Variants in FRYL observed in about 807,000 individuals in gnomAD.
FRYL encodes protein furry homolog-like.
A neutral mutation model predicts 351.2 loss-of-function variants in FRYL; 150 were observed. The observed-to-expected ratio is 0.43, with a 90% CI of 0.37 to 0.49. FRYL has a LOEUF of 0.49. FRYL is among the 20% of genes least tolerant of loss of function. The pLI, the probability that FRYL is intolerant of heterozygous loss-of-function variation, is 0.00. For synonymous variants in FRYL, 1,153 were observed against 1,257.1 expected (o/e 0.92, Z 1.75); for missense variants, 3,036 against 3,619.3 (o/e 0.84, Z 4.13).
In FRYL at chr4:48,564,950, C is replaced by A. The variant is rs1736439063; in HGVS notation, c.3424G>T (p.Asp1142Tyr). Residue 1142 changes from aspartate to tyrosine, a missense_variant, in exon 30 of 64, where the codon GAT becomes TAT. By Grantham distance (160) the Asp-to-Tyr change is radical (BLOSUM62 -3). Transcript: ENST00000358350. The part of the protein sequence containing the change: ...YLYKWLDNIL[D>Y]SLDKKVHQLG... Reference sequence around the variant, plus strand: ...ATAATTACCTTTTTGTCCAGAGAATCCAAAATGTTATCCAACCATTTGTAC... The same window carrying A: ...ATAATTACCTTTTTGTCCAGAGAATACAAAATGTTATCCAACCATTTGTAC... 2.5e-6 allele frequency: 4 copies of A among 1,587,542 alleles called. No homozygotes were observed. In the East Asian group the frequency reaches 6.7e-5, roughly 27 times the overall value.
intron 46 of FRYL, 130 bp from the exon 47 acceptor site, chr4:48,540,198 T>C: frequency 8.6e-7 from 1 of 1,166,146 alleles, no homozygotes; most frequent in South Asian, 1.6e-5. Flanking sequence ...ATCTTCTAAT[T>C]CTTTTTTGGC....
chr4:48,641,149 C>G (rs559339026), intron 3 of FRYL, among the ~76,000 whole-genome samples: 2 of 152,132 alleles, frequency 1.3e-5, no homozygotes, highest in East Asian at 3.9e-4. Context: ...GAGGAAAACT[C>G]TACATTTGAA....
At chr4:48,532,875 C>T (rs1364055543) in intron 49 of FRYL, among the ~76,000 whole-genome samples, 1 of 152,056 alleles carries the variant, frequency 6.6e-6, no homozygotes, top group East Asian at 1.9e-4. Flanking sequence ...TAATAAAGCA[C>T]AAGCCAGCAG....
chr4:48,645,127 TA>T (rs1560778387), intron 3 of FRYL, among the ~76,000 whole-genome samples: 1 of 14,268 alleles, frequency 7.0e-5, no homozygotes, highest in African/African-American at 3.8e-4. Flanking sequence ...TTTCATTTTA[TA>T]TATATATATA....
chr4:48,618,374 A>C (rs2149314215), intron 7 of FRYL: 1 of 152,290 alleles, frequency 6.6e-6, no homozygotes, highest in Non-Finnish European at 1.5e-5. Context: ...TATGAGAAAA[A>C]CAGACTGTCA....
At chr4:48,732,416 C>T (rs1578862566) in intron 1 of FRYL, among the ~76,000 whole-genome samples, 1 of 152,188 alleles carries the variant, frequency 6.6e-6, no homozygotes, top group Non-Finnish European at 1.5e-5. Flanking sequence ...CCCAGCAATC[C>T]CATTACTGGG....
intron 41 of FRYL, chr4:48,546,541 G>A: frequency 2.7e-6 from 1 of 367,474 alleles, no homozygotes; most frequent in South Asian, 5.8e-5. Context: ...AAACTTGCAA[G>A]TGGCAGTTTC....
intron 1 of FRYL, among the ~76,000 whole-genome samples, chr4:48,769,958 C>T (rs1413074209): frequency 6.6e-6 from 1 of 152,174 alleles, no homozygotes; most frequent in African/African-American, 2.4e-5. Flanking sequence ...AGTTTCTTGG[C>T]AGTGGTGGGA....
chr4:48,579,293 T>G (rs1444294176), intron 22 of FRYL, 52 bp from the exon 23 acceptor site: 1 of 1,439,320 alleles, frequency 6.9e-7, no homozygotes, highest in Admixed American at 2.2e-5. Context: ...ACTTTGAAAT[T>G]TTACCATATA....
At chr4:48,588,115 A>T (rs1350309683) in intron 18 of FRYL, among the ~76,000 whole-genome samples, 2 of 152,220 alleles carry the variant, frequency 1.3e-5, no homozygotes, top group African/African-American at 4.8e-5. Flanking sequence ...GTCAAGGTGC[A>T]TCTGTTATTC....
intron 42 of FRYL, among the ~76,000 whole-genome samples, chr4:48,545,262 TA>T (rs1731085218): frequency 6.6e-6 from 1 of 152,226 alleles, no homozygotes; most frequent in Non-Finnish European, 1.5e-5. Context: ...GCAATGAGAA[TA>T]ATTTACTAGC....
chr4:48,602,593 C>G (rs752596495), intron 12 of FRYL, among the ~76,000 whole-genome samples: 9 of 151,956 alleles, frequency 5.9e-5, no homozygotes, highest in Non-Finnish European at 1.2e-4. Context: ...GTACAAAGTA[C>G]TTAGTTCAAT....
At position 48,498,268 on chromosome 4, in the gene FRYL, C is replaced by CA. The variant is rs1410424541; in HGVS notation, c.*1153dup. On this transcript the variant is annotated 3_prime_UTR_variant, in exon 64 of 64. Transcript: ENST00000358350. ...AGCATGTGAGTCCTGAATAAAGATA[C>CA]AAAAATGCATTTGCAGCTCTTTTCT... 1 of 152,182 alleles carries CA rather than the reference C, an allele frequency of 6.6e-6. No individual in the cohort carries two copies. The highest frequency in any genetic ancestry group is 1.9e-4 in the East Asian group (1 of 5,188). The allele number at this position is 152,182 out of a possible 1,614,324, so 9.4% of individuals were successfully genotyped here. A position where few individuals can be genotyped will look rare whatever the true frequency, so the allele number is the denominator to read the frequency against.
At chr4:48,730,932 TA>T (rs1288025343) in intron 1 of FRYL, among the ~76,000 whole-genome samples, 2 of 151,976 alleles carry the variant, frequency 1.3e-5, no homozygotes, top group Non-Finnish European at 2.9e-5. Context: ...GCAAATTGGA[TA>T]AAGAGTCAAG....
At chr4:48,602,801 C>A (rs536944844) in intron 12 of FRYL, among the ~76,000 whole-genome samples, 4 of 152,174 alleles carry the variant, frequency 2.6e-5, no homozygotes, top group Admixed American at 6.5e-5. Flanking sequence ...GACAGTGATC[C>A]CCTGAGGTTA....
chr4:48,571,861 A>C, intron 26 of FRYL: 1 of 985,284 alleles, frequency 1.0e-6, no homozygotes, highest in Non-Finnish European at 1.2e-6. Context: ...CTCACATTCA[A>C]GGCACATCAC....
chr4:48,511,612 A>G (rs1289858571), intron 57 of FRYL, among the ~76,000 whole-genome samples: 1 of 152,174 alleles, frequency 6.6e-6, no homozygotes, highest in Admixed American at 6.5e-5. Flanking sequence ...AAAAAGCATA[A>G]ATCCGCACTT....
chr4:48,570,976 T>C, intron 26 of FRYL, 58 bp from the exon 27 acceptor site: 1 of 1,338,248 alleles, frequency 7.5e-7, no homozygotes, highest in Non-Finnish European at 1.1e-6. Flanking sequence ...TTGGAAAGAA[T>C]AATGTGACTG....
At position 48,512,401 on chromosome 4, in the gene FRYL, G is replaced by C. The variant is rs564114858; in HGVS notation, c.8145+80C>G. 4.3e-6 allele frequency: 5 copies of C among 1,149,990 alleles called. No homozygotes were observed. The South Asian group carries it at 7.3e-5, about 17-fold the overall frequency. The allele number at this position is 1,149,990 out of a possible 1,614,324, so 71.2% of individuals were successfully genotyped here. A position where few individuals can be genotyped will look rare whatever the true frequency, so the allele number is the denominator to read the frequency against. On this transcript the variant is annotated intron_variant, in intron 57 of 63. Transcript: ENST00000358350. Reference sequence around the variant, plus strand: ...AAAACTGGTAGGAATATTAAAATCGGAGATGCTGATTTTAGAAGAAAAACT... The same window carrying C: ...AAAACTGGTAGGAATATTAAAATCGCAGATGCTGATTTTAGAAGAAAAACT...
Sources: gnomAD v4.1 joint callset for allele counts (sites outside exome capture counted in the v4.1 genomes callset) on GRCh38, gnomAD v4.1.1 for gene constraint, MANE v1.5 for transcripts, NCBI Gene and HGNC (gene_info 2026-07-23, HGNC 2026-07-21) for gene names.